ANGPT2: variants seen among roughly 807,000 people sequenced by gnomAD.
The protein encoded by ANGPT2 is angiopoietin 2, also known as angiopoietin-2.
ANGPT2 carries 28 observed loss-of-function variants against 62.9 expected under a neutral mutation model. The observed-to-expected ratio is 0.44, with a 90% confidence interval of 0.33 to 0.61. The LOEUF is 0.61. Ranked by LOEUF, ANGPT2 falls within the 20% of genes least tolerant of loss-of-function variation. The pLI, the probability that ANGPT2 is intolerant of heterozygous loss-of-function variation, is 0.03. For synonymous variants in ANGPT2, 284 were observed against 207.8 expected (o/e 1.37, Z -3.15); for missense variants, 727 against 594.9 (o/e 1.22, Z -2.31).
At chr8:6,523,768 T>A (rs2515451) in intron 3 of ANGPT2, among the ~76,000 whole-genome samples, 11,415 of 152,218 alleles carry the variant, frequency 0.075, 515 homozygotes, top group African/African-American at 0.12. Context: ...TTTGTATTTT[T>A]AGTAGAGACG....
intron 1 of ANGPT2, among the ~76,000 whole-genome samples, chr8:6,543,633 T>C (rs375781168): frequency 2.0e-3 from 299 of 152,318 alleles, no homozygotes; most frequent in Non-Finnish European, 3.6e-3. Context: ...CATAAAGCTG[T>C]AGGTGCAGCT....
intron 5 of ANGPT2, among the ~76,000 whole-genome samples, chr8:6,517,277 A>G (rs2515433): frequency 0.061 from 9,221 of 152,278 alleles, 313 homozygotes; most frequent in African/African-American, 0.079. Context: ...ATATCTTTCT[A>G]TAAAGCTTGA....
At position 6,562,883 on chromosome 8, in the gene ANGPT2, C is replaced by T. The variant is rs1447437898; in HGVS notation, c.52G>A (p.Ala18Thr). 1.2e-6 allele frequency: 2 copies of T among 1,610,136 alleles called. No homozygotes were observed. The highest frequency in any genetic ancestry group is 1.7e-6 in the Non-Finnish European group (2 of 1,176,730). ...TLSCDLVLAA[A>T]YNNFRKSMDS... is the part of the protein sequence containing the mutation. ...ATGCTCTTCCGAAAGTTGTTATAGGCTGCGGCCAAGACAAGATCACAGCTC... is the reference window on the plus strand; with the variant it reads ...ATGCTCTTCCGAAAGTTGTTATAGGTTGCGGCCAAGACAAGATCACAGCTC... Residue 18 changes from alanine to threonine, a missense_variant, in exon 1 of 9, where the codon GCC becomes ACC. Physicochemically the swap from Ala to Thr is moderately conservative, Grantham distance 58 (BLOSUM62 0). Coordinates refer to ENST00000629816, the MANE Select transcript of ANGPT2 (RefSeq NM_001118887.2).
chr8:6,527,899 A>ATT (rs71213313), intron 2 of ANGPT2, among the ~76,000 whole-genome samples: 6,021 of 133,102 alleles, frequency 0.045, 403 homozygotes, highest in African/African-American at 0.13. Flanking sequence ...CCACGTCTCT[A>ATT]TTTTTTTTTT....
intron 1 of ANGPT2, among the ~76,000 whole-genome samples, chr8:6,549,749 C>A (rs1222382238): frequency 6.6e-6 from 1 of 152,116 alleles, no homozygotes. Flanking sequence ...CGTGAGGGAG[C>A]CACGTGCAGG....
intron 1 of ANGPT2, among the ~76,000 whole-genome samples, chr8:6,559,512 A>C (rs1171940678): frequency 1.3e-5 from 2 of 152,132 alleles, no homozygotes; most frequent in African/African-American, 4.8e-5. Context: ...AAAAACAAAC[A>C]AACAAAAAAC....
chr8:6,512,752 T>C (rs926414224), intron 7 of ANGPT2, among the ~76,000 whole-genome samples: 1 of 152,230 alleles, frequency 6.6e-6, no homozygotes, highest in African/African-American at 2.4e-5. Context: ...AGGCAGAAAG[T>C]AAATTCCCAG....
chr8:6,540,522 C>T lies in ANGPT2; in HGVS notation c.289-8035G>A, dbSNP rs562239312. 9.8e-5 allele frequency among the ~76,000 whole-genome samples: 15 copies of T among 152,310 alleles called. 1 individual carries two copies. The South Asian group carries it at 1.5e-3, about 15-fold the overall frequency. On this transcript the variant is annotated intron_variant, in intron 1 of 8. Coordinates refer to ENST00000629816, the MANE Select transcript of ANGPT2 (RefSeq NM_001118887.2). ...TCTGTGAGCGTGCAGCCTCATGGCA[C>T]GTTATGCATACCTGACACTTGCACA... is the stretch of plus-strand genomic sequence containing the variant.
At chr8:6,549,524 T>A (rs559648049) in intron 1 of ANGPT2, among the ~76,000 whole-genome samples, 13 of 151,864 alleles carry the variant, frequency 8.6e-5, no homozygotes, top group African/African-American at 3.1e-4. Context: ...TGGGCAGTCA[T>A]TACACAGGTG....
chr8:6,539,906 A>C (rs1035015232), intron 1 of ANGPT2, among the ~76,000 whole-genome samples: 1 of 152,196 alleles, frequency 6.6e-6, no homozygotes, highest in South Asian at 2.1e-4. Context: ...TTTATGAGTG[A>C]CTATCTGATA....
chr8:6,521,170 A>T lies in ANGPT2; in HGVS notation c.799+8T>A, dbSNP rs963496. On this transcript the variant is annotated splice_region_variant and intron_variant, in intron 4 of 8. Coordinates refer to ENST00000629816, the MANE Select transcript of ANGPT2 (RefSeq NM_001118887.2). Reference sequence around the variant, plus strand: ...TAACGCTGAAGAAAGCATGATATGTAAACTTACAGTTTGATGTGGACATCA... The same window carrying T: ...TAACGCTGAAGAAAGCATGATATGTTAACTTACAGTTTGATGTGGACATCA... 4 of 1,607,378 alleles carry T rather than the reference A, an allele frequency of 2.5e-6. No individual in the cohort carries two copies. In the East Asian group the frequency reaches 8.9e-5, roughly 36 times the overall value.
At chr8:6,522,213 G>C (rs1012889906) in intron 3 of ANGPT2, among the ~76,000 whole-genome samples, 1 of 152,086 alleles carries the variant, frequency 6.6e-6, no homozygotes, top group African/African-American at 2.4e-5. Flanking sequence ...AAATTCTCCA[G>C]GCGTGGTGGC....
intron 1 of ANGPT2, among the ~76,000 whole-genome samples, chr8:6,553,568 A>G (rs1357939896): frequency 6.6e-6 from 1 of 152,224 alleles, no homozygotes; most frequent in African/African-American, 2.4e-5. Flanking sequence ...CCTTTATTCA[A>G]ACAACGGGAG....
chr8:6,503,973 A>G (rs1268364364), intron 8 of ANGPT2, among the ~76,000 whole-genome samples: 1 of 152,208 alleles, frequency 6.6e-6, no homozygotes, highest in Non-Finnish European at 1.5e-5. Flanking sequence ...GCACTTTCAG[A>G]TACCTGAAGT....
At chr8:6,542,276 C>T (rs1473930804) in intron 1 of ANGPT2, among the ~76,000 whole-genome samples, 2 of 151,842 alleles carry the variant, frequency 1.3e-5, no homozygotes, top group Non-Finnish European at 2.9e-5. Context: ...CATTTGTCTA[C>T]ACATGTGAGG....
chr8:6,503,359 G>T, intron 8 of ANGPT2, 98 bp from the exon 9 acceptor site: 3 of 1,286,988 alleles, frequency 2.3e-6, no homozygotes, highest in Non-Finnish European at 3.3e-6. Context: ...CACACTGCAG[G>T]CGTGTGGAGT....
At chr8:6,513,487 C>G (rs1042366736) in intron 7 of ANGPT2, among the ~76,000 whole-genome samples, 191 bp downstream of exon 7, 1 of 151,996 alleles carries the variant, frequency 6.6e-6, no homozygotes, top group African/African-American at 2.4e-5. Flanking sequence ...CGCCCACCAC[C>G]ACACCTGGCT....
At chr8:6,529,823 A>G (rs930509603) in intron 2 of ANGPT2, among the ~76,000 whole-genome samples, 7 of 150,868 alleles carry the variant, frequency 4.6e-5, no homozygotes, top group South Asian at 4.2e-4. Flanking sequence ...CTTACTTTCC[A>G]TCTGTTTTCT....
Position 6,562,823 on chromosome 8 carries a change from G to C in ANGPT2, c.112C>G (p.His38Asp). The change falls in exon 1 of 9, where the codon CAT becomes GAT. Residue 38 changes from histidine to aspartate, a missense_variant. His to Asp is a moderately conservative substitution (Grantham distance 81). Transcript: ENST00000629816. ...AGGAAAGTGTAGCTGCAGGACCCAT[G>C]CTGGACCTGATATTGCTTCTTTCCT... Reference protein sequence around the residue: ...SIGKKQYQVQHGSCSYTFLLP... With the variant: ...SIGKKQYQVQDGSCSYTFLLP... 1 of 1,613,796 alleles carries C rather than the reference G, an allele frequency of 6.2e-7. No individual in the cohort carries two copies. The highest frequency in any genetic ancestry group is 1.6e-4 in the Middle Eastern group (1 of 6,062).
Sources: gnomAD v4.1 joint callset for allele counts (sites outside exome capture counted in the v4.1 genomes callset) on GRCh38, gnomAD v4.1.1 for gene constraint, MANE v1.5 for transcripts, NCBI Gene and HGNC (gene_info 2026-07-23, HGNC 2026-07-21) for gene names.